Variants in MARCHF1 observed in about 807,000 individuals in gnomAD.
The protein encoded by MARCHF1 is E3 ubiquitin-protein ligase MARCHF1.
MARCHF1 carries 40 observed loss-of-function variants against 54.2 expected under a neutral mutation model. The observed-to-expected ratio is 0.74, with a 90% CI of 0.57 to 0.96. MARCHF1 has a LOEUF of 0.96. MARCHF1 is among the 40% of genes least tolerant of loss of function. MARCHF1 has a pLI of 0.00. For synonymous variants in MARCHF1, 236 were observed against 236.3 expected, an observed-to-expected ratio of 1.00 and a Z score of 0.01; for missense variants, 586 against 656.5, an observed-to-expected ratio of 0.89 and a Z score of 1.17.
rs188237562 is a variant in MARCHF1 at position 163,898,691 on chromosome 4, A to C, written c.-38-44522T>G. Among the ~76,000 whole-genome samples, 21 of 152,266 alleles carry C rather than the reference A, an allele frequency of 1.4e-4. No individual in the cohort carries two copies. In the East Asian group the frequency reaches 4.0e-3, roughly 29 times the overall value. On this transcript the variant is annotated intron_variant, in intron 3 of 9. Transcript: ENST00000514618. ...ATAGCAATCTCACTACTGAGTATCT[A>C]CCCAATGGAAAAGAAATCATTACAT...
At chr4:164,217,764 T>C (rs1158486819) in intron 1 of MARCHF1, among the ~76,000 whole-genome samples, 1 of 152,178 alleles carries the variant, frequency 6.6e-6, no homozygotes, top group South Asian at 2.1e-4. Flanking sequence ...AAAGCCAAAC[T>C]GAAGCCTAAA....
intron 1 of MARCHF1, among the ~76,000 whole-genome samples, chr4:164,195,132 AT>A (rs34012093): frequency 4.8e-5 from 7 of 146,206 alleles, no homozygotes; most frequent in South Asian, 2.2e-4. Context: ...CATGTCTTTT[AT>A]TTTTTTTTTA....
chr4:163,989,872 G>C (rs938066642), intron 2 of MARCHF1, among the ~76,000 whole-genome samples: 3 of 152,092 alleles, frequency 2.0e-5, no homozygotes, highest in Non-Finnish European at 4.4e-5. Flanking sequence ...CCCAAATGAA[G>C]CATAATTCAG....
At chr4:163,678,056 G>A (rs1743975482) in intron 5 of MARCHF1, among the ~76,000 whole-genome samples, 1 of 152,116 alleles carries the variant, frequency 6.6e-6, no homozygotes, top group African/African-American at 2.4e-5. Context: ...ATTGTGTTCT[G>A]GACTCTTCCT....
At chr4:163,817,405 A>G (rs1350396215) in intron 4 of MARCHF1, among the ~76,000 whole-genome samples, 1 of 151,630 alleles carries the variant, frequency 6.6e-6, no homozygotes, top group African/African-American at 2.4e-5. Context: ...ATACACATAT[A>G]CATATATATG....
intron 1 of MARCHF1, among the ~76,000 whole-genome samples, chr4:164,293,716 C>A (rs1388211755): frequency 1.3e-5 from 2 of 152,194 alleles, no homozygotes; most frequent in Admixed American, 1.3e-4. Flanking sequence ...CACATAGAAT[C>A]GAGTGACTCT....
chr4:164,030,051 A>G (rs1199320349), intron 2 of MARCHF1, among the ~76,000 whole-genome samples: 1 of 152,244 alleles, frequency 6.6e-6, no homozygotes, highest in Admixed American at 6.5e-5. Context: ...CAATTAGCGG[A>G]CAGCTATATT....
In MARCHF1 at chr4:164,148,199, C is replaced by T. The variant is rs1283781526; in HGVS notation, c.-322-36537G>A. On this transcript the variant is annotated intron_variant, in intron 1 of 9. Coordinates refer to ENST00000514618, the MANE Select transcript of MARCHF1 (RefSeq NM_001394959.1). ...CGAATTCAACCAAGAAACTATGTAA[C>T]AGAGGACGAAAAAGATATTGGAACT... is the stretch of plus-strand genomic sequence containing the variant. Among the ~76,000 whole-genome samples, 3 of 151,418 alleles carry T rather than the reference C, an allele frequency of 2.0e-5. No individual in the cohort carries two copies. The East Asian group carries it at 5.8e-4, about 29-fold the overall frequency.
At chr4:164,131,084 G>T (rs1484709053) in intron 1 of MARCHF1, among the ~76,000 whole-genome samples, 1 of 152,112 alleles carries the variant, frequency 6.6e-6, no homozygotes, top group Non-Finnish European at 1.5e-5. Flanking sequence ...AAATGTGTAT[G>T]TAACGTATAT....
intron 1 of MARCHF1, among the ~76,000 whole-genome samples, chr4:164,217,363 G>T (rs1002557194): frequency 2.6e-5 from 4 of 152,154 alleles, no homozygotes; most frequent in Admixed American, 2.0e-4. Flanking sequence ...AAAGGTAAAA[G>T]TTTTGAGACA....
intron 4 of MARCHF1, among the ~76,000 whole-genome samples, chr4:163,825,062 C>T (rs1748809815): frequency 6.6e-6 from 1 of 152,014 alleles, no homozygotes; most frequent in Non-Finnish European, 1.5e-5. Context: ...ACTAGTTCAA[C>T]CAAATCTATC....
chr4:163,699,512 C>A (rs1744739933), intron 5 of MARCHF1, among the ~76,000 whole-genome samples: 1 of 150,586 alleles, frequency 6.6e-6, no homozygotes, highest in Non-Finnish European at 1.5e-5. Flanking sequence ...GTTATAAAGC[C>A]TTTTGATTCT....
intron 5 of MARCHF1, among the ~76,000 whole-genome samples, chr4:163,689,991 T>G (rs1167041534): frequency 6.6e-6 from 1 of 152,194 alleles, no homozygotes; most frequent in East Asian, 1.9e-4. Flanking sequence ...TCACCCAGTA[T>G]GTGGTTGGCA....
intron 2 of MARCHF1, among the ~76,000 whole-genome samples, chr4:164,028,362 A>G (rs1351185664): frequency 6.6e-6 from 1 of 152,234 alleles, no homozygotes; most frequent in Admixed American, 6.5e-5. Context: ...AAAATGCAGT[A>G]CATACACACC....
chr4:163,541,335 A>C (rs1358366642), intron 9 of MARCHF1, among the ~76,000 whole-genome samples: 3 of 152,224 alleles, frequency 2.0e-5, no homozygotes, highest in Non-Finnish European at 4.4e-5. Context: ...CTACACCTAC[A>C]GTCTCTTTAA....
Position 164,197,610 on chromosome 4 carries a change from G to A in MARCHF1, c.-322-85948C>T, listed in dbSNP as rs116024935. The A allele has an allele frequency of 4.0e-4, 650 of 1,613,026 alleles. 2 individuals are homozygous for A. The African/African-American group carries it at 7.7e-3, about 19-fold the overall frequency. ...CTTCAAATTCATCTGTGAGGGCTTCGAGTTTGCCTTCATTCGACCGACTGT... is the reference window on the plus strand; with the variant it reads ...CTTCAAATTCATCTGTGAGGGCTTCAAGTTTGCCTTCATTCGACCGACTGT... On this transcript the variant is annotated intron_variant, in intron 1 of 9. Transcript: ENST00000514618.
intron 3 of MARCHF1, among the ~76,000 whole-genome samples, chr4:163,866,299 T>G (rs1163322380): frequency 6.6e-6 from 1 of 150,988 alleles, no homozygotes; most frequent in Non-Finnish European, 1.5e-5. Flanking sequence ...ATAAATATAT[T>G]TCTAAACTGT....
At chr4:163,870,870 T>C (rs1383951817) in intron 3 of MARCHF1, among the ~76,000 whole-genome samples, 1 of 152,158 alleles carries the variant, frequency 6.6e-6, no homozygotes, top group African/African-American at 2.4e-5. Flanking sequence ...AGTTGGTTAA[T>C]GAATACAAAA....
At chr4:164,087,026 G>A (rs1755205883) in intron 2 of MARCHF1, among the ~76,000 whole-genome samples, 1 of 152,054 alleles carries the variant, frequency 6.6e-6, no homozygotes, top group Non-Finnish European at 1.5e-5. Flanking sequence ...TTTAATGCAT[G>A]CAGGAATAAA....
Sources: allele counts gnomAD v4.1 joint callset (sites outside exome capture counted in the v4.1 genomes callset), GRCh38; gene constraint gnomAD v4.1.1; transcripts MANE v1.5; gene names NCBI Gene and HGNC (gene_info 2026-07-23, HGNC 2026-07-21).